PAPSS1: variants seen among roughly 807,000 people sequenced by gnomAD.
PAPSS1 encodes the protein 3'-phosphoadenosine 5'-phosphosulfate synthase 1.
A neutral mutation model predicts 72.0 loss-of-function variants in PAPSS1; 50 were observed. The observed-to-expected ratio is 0.69, with a 90% CI of 0.55 to 0.88. The LOEUF (loss-of-function observed/expected upper bound fraction) is 0.88. Among genes scored for constraint, PAPSS1 ranks in the 40% least tolerant of loss-of-function variants. PAPSS1 has a pLI of 0.00. For missense variants in PAPSS1, 657 were observed against 782.2 expected, an observed-to-expected ratio of 0.84 and a Z score of 1.91; for synonymous variants, 261 against 263.6, an observed-to-expected ratio of 0.99 and a Z score of 0.09.
intron 1 of PAPSS1, 59 bp downstream of exon 1, chr4:107,720,061 A>C (rs1297978296): frequency 1.3e-6 from 2 of 1,573,068 alleles, no homozygotes; most frequent in Non-Finnish European, 1.7e-6. Flanking sequence ...GCGGCTCCGG[A>C]ACGAGCTGCT....
intron 6 of PAPSS1, among the ~76,000 whole-genome samples, chr4:107,658,091 GAC>G (rs1727066989): frequency 6.6e-6 from 1 of 151,994 alleles, no homozygotes; most frequent in Non-Finnish European, 1.5e-5. Context: ...TTGCTGGAAA[GAC>G]ACAGGAATCA....
chr4:107,620,408 C>A (rs1725925351), intron 11 of PAPSS1, among the ~76,000 whole-genome samples: 1 of 152,140 alleles, frequency 6.6e-6, no homozygotes, highest in African/African-American at 2.4e-5. Flanking sequence ...TCATACATGA[C>A]AAACTTAACA....
Position 107,682,132 on chromosome 4 carries a change from A to G in PAPSS1, c.552T>C (p.Gly184=). 6.6e-7 allele frequency: 1 copy of G among 1,521,340 alleles called. No individual in the cohort carries two copies. The highest frequency in any genetic ancestry group is 9.1e-7 in the Non-Finnish European group (1 of 1,100,574). The allele number at this position is 1,521,340 out of a possible 1,614,324, so 94.2% of individuals were successfully genotyped here. The change falls in exon 5 of 12, where the codon GGT becomes GGC. Residue 184 remains glycine, a splice_region_variant and synonymous_variant. Transcript: ENST00000265174. Reference sequence around the variant, plus strand: ...CATATTCAGAATCGATCCCAGTGAAACCTGCAAAAGGTAACAGATAATAGA... The same window carrying G: ...CATATTCAGAATCGATCCCAGTGAAGCCTGCAAAAGGTAACAGATAATAGA... ...YKKARAGEIK[G]FTGIDSEYEK...
At chr4:107,696,486 C>T (rs1332206279) in intron 2 of PAPSS1, among the ~76,000 whole-genome samples, 1 of 152,122 alleles carries the variant, frequency 6.6e-6, no homozygotes, top group African/African-American at 2.4e-5. Context: ...GAACACCAAA[C>T]ACTGCATGTT....
rs368651504 is a variant in PAPSS1 at position 107,693,752 on chromosome 4, T to C, written c.411+19A>G. ...TCAATAAATGTAAGCAGAAAGGCAA[T>C]GGCACAAAAACCACATACCTGAGTG... On this transcript the variant is annotated intron_variant, in intron 3 of 11. Coordinates refer to ENST00000265174, the MANE Select transcript of PAPSS1 (RefSeq NM_005443.5). 6.0e-5 allele frequency: 92 copies of C among 1,545,130 alleles called. No homozygotes were observed. Among genetic ancestry groups the C allele is most frequent in the African/African-American group, 1.6e-4 (12 of 73,678 alleles).
At chr4:107,626,035 G>A (rs1392697399) in intron 11 of PAPSS1, among the ~76,000 whole-genome samples, 4 of 151,832 alleles carry the variant, frequency 2.6e-5, no homozygotes, top group African/African-American at 4.8e-5. Flanking sequence ...AAAAATAGCC[G>A]GGCGCGGTGG....
At chr4:107,719,816 G>T in intron 1 of PAPSS1, 1 of 1,256,434 alleles carries the variant, frequency 8.0e-7, no homozygotes, top group Non-Finnish European at 1.0e-6. Flanking sequence ...CCAGTTCACG[G>T]GTGAAGGATT....
chr4:107,614,951 C>A (rs759222281), intron 11 of PAPSS1, among the ~76,000 whole-genome samples: 1 of 138,806 alleles, frequency 7.2e-6, no homozygotes, highest in East Asian at 2.2e-4. Context: ...CTCCTGGCAA[C>A]CACTAATCTA....
At chr4:107,655,105 TAAAAAAAA>T (rs61591737) in intron 7 of PAPSS1, among the ~76,000 whole-genome samples, 13 of 117,716 alleles carry the variant, frequency 1.1e-4, no homozygotes, top group Admixed American at 2.6e-4. Flanking sequence ...TCTCCCAAGT[TAAAAAAAA>T]AAAAAAAAAA....
intron 11 of PAPSS1, among the ~76,000 whole-genome samples, chr4:107,618,026 T>C (rs1203783356): frequency 6.6e-6 from 1 of 152,062 alleles, no homozygotes; most frequent in African/African-American, 2.4e-5. Context: ...TCAAAAACAA[T>C]CAGGAGAGCT....
intron 2 of PAPSS1, among the ~76,000 whole-genome samples, chr4:107,695,514 C>T (rs537419335): frequency 6.6e-6 from 1 of 152,274 alleles, no homozygotes; most frequent in African/African-American, 2.4e-5. Context: ...CTGGCCAGAA[C>T]TTCCAATATT....
At chr4:107,640,742 A>G (rs1726516624) in intron 10 of PAPSS1, among the ~76,000 whole-genome samples, 1 of 152,194 alleles carries the variant, frequency 6.6e-6, no homozygotes, top group South Asian at 2.1e-4. Flanking sequence ...GTTTACTAGA[A>G]TTTCCAAAGC....
At chr4:107,628,240 T>C (rs1465412374) in intron 11 of PAPSS1, among the ~76,000 whole-genome samples, 1 of 152,238 alleles carries the variant, frequency 6.6e-6, no homozygotes, top group Non-Finnish European at 1.5e-5. Flanking sequence ...ATTATTTCTG[T>C]CATTAATGAG....
At chr4:107,687,254 T>C in intron 3 of PAPSS1, 77 bp from the exon 4 acceptor site, 1 of 1,077,906 alleles carries the variant, frequency 9.3e-7, no homozygotes, top group Non-Finnish European at 1.3e-6. Flanking sequence ...GAGTAAAAAG[T>C]GCTTCTCATC....
chr4:107,716,022 G>A (rs1044422263), intron 1 of PAPSS1, among the ~76,000 whole-genome samples: 13 of 152,252 alleles, frequency 8.5e-5, no homozygotes, highest in South Asian at 2.1e-4. Context: ...AGCTTATTCC[G>A]TTACTTAAGC....
Position 107,701,165 on chromosome 4 carries a change from C to T in PAPSS1, c.175+6G>A, listed in dbSNP as rs1403611579. 3.1e-6 allele frequency: 5 copies of T among 1,594,150 alleles called. No homozygotes were observed. In the African/African-American group the frequency reaches 6.7e-5, roughly 21 times the overall value. ...AAATAAACTGCTTTCTCTCTCTTGA[C>T]CATACCTGTTAGCCAAACTGTGCAA... On this transcript the variant is annotated splice_donor_region_variant and intron_variant, in intron 2 of 11. Coordinates refer to ENST00000265174, the MANE Select transcript of PAPSS1 (RefSeq NM_005443.5).
intron 1 of PAPSS1, among the ~76,000 whole-genome samples, chr4:107,719,482 C>A (rs1386608536): frequency 6.6e-6 from 1 of 152,156 alleles, no homozygotes; most frequent in Non-Finnish European, 1.5e-5. Flanking sequence ...CTGACTGTCA[C>A]CAGGAATGGA....
chr4:107,694,274 G>A (rs970632376), intron 2 of PAPSS1: 3 of 386,812 alleles, frequency 7.8e-6, no homozygotes, highest in South Asian at 8.2e-5. Flanking sequence ...GCGCCAGCTG[G>A]TCTCAAACTC....
intron 8 of PAPSS1, among the ~76,000 whole-genome samples, chr4:107,654,125 G>A (rs919907852): frequency 6.6e-6 from 1 of 152,134 alleles, no homozygotes; most frequent in Non-Finnish European, 1.5e-5. Flanking sequence ...ATATTCACAA[G>A]GCAGCTCCAG....
Sources: allele counts gnomAD v4.1 joint callset (sites outside exome capture counted in the v4.1 genomes callset), GRCh38; gene constraint gnomAD v4.1.1; transcripts MANE v1.5; gene names NCBI Gene and HGNC (gene_info 2026-07-23, HGNC 2026-07-21).